Variants in ZNF518A observed in about 807,000 individuals in gnomAD.
ZNF518A encodes the protein zinc finger protein 518.
ZNF518A carries 47 observed loss-of-function variants against 102.7 expected under a neutral mutation model. The observed-to-expected ratio is 0.46, with a 90% CI of 0.36 to 0.58. ZNF518A has a LOEUF of 0.58. ZNF518A is among the 20% of genes least tolerant of loss of function. ZNF518A has a pLI of 0.00. For synonymous variants in ZNF518A, 652 were observed against 594.6 expected, an observed-to-expected ratio of 1.10 and a Z score of -1.40; for missense variants, 1,793 against 1,699.8, an observed-to-expected ratio of 1.05 and a Z score of -0.96.
chr10:96,185,725 C>A (rs11188653), intron 1 of ZNF518A, among the ~76,000 whole-genome samples: 46,582 of 151,986 alleles, frequency 0.31, 8,227 homozygotes, highest in East Asian at 0.66. Context: ...TGTCAGTCGG[C>A]CCCTACTGGG....
At chr10:96,167,368 C>G (rs1470508745), downstream of ZNF518A, among the ~76,000 whole-genome samples, 6 of 152,024 alleles carry the variant, frequency 3.9e-5, no homozygotes, top group Non-Finnish European at 8.8e-5. Context: ...GCAGGAGAAT[C>G]GCTTGAACTC....
intron 3 of ZNF518A, among the ~76,000 whole-genome samples, chr10:96,136,390 T>A (rs2081599696): frequency 6.7e-6 from 1 of 150,158 alleles, no homozygotes; most frequent in African/African-American, 2.4e-5. Context: ...AGAAATGTTA[T>A]ATATATTTAT....
At chr10:96,197,663 T>A (rs1554895021) in intron 1 of ZNF518A, among the ~76,000 whole-genome samples, 1 of 152,100 alleles carries the variant, frequency 6.6e-6, no homozygotes, top group African/African-American at 2.4e-5. Context: ...AGGTTGGGAA[T>A]CAAAACTTTC....
At chr10:96,149,851 C>T (rs587679337) in intron 3 of ZNF518A, among the ~76,000 whole-genome samples, 53 of 152,136 alleles carry the variant, frequency 3.5e-4, no homozygotes, top group African/African-American at 1.2e-3. Context: ...TATATATTTT[C>T]CTCAAAGAGT....
chr10:96,156,800 A>G lies in ZNF518A; in HGVS notation c.478A>G (p.Asn160Asp), dbSNP rs2082716714. The G allele has an allele frequency of 1.9e-6, 3 of 1,613,948 alleles. No homozygotes were observed. Among genetic ancestry groups the G allele is most frequent in the African/African-American group, 1.3e-5 (1 of 75,076 alleles). ...TTGTGAAATGTGCAACTTTTCAGCA[A>G]ATGACTTTCAGGTATTTAAACAACA... ...YPCEMCNFSA[N>D]DFQVFKQHRR... The change falls in exon 6 of 6, where the codon AAT (asparagine) becomes GAT (aspartate). Residue 160 changes from asparagine to aspartate, a missense_variant. This residue lies in a region of ZNF518A where 1,741 missense variants were observed against 1,622.6 expected (regional missense o/e 1.07). Coordinates refer to ENST00000316045, the MANE Select transcript of ZNF518A (RefSeq NM_001330736.2).
intron 2 of ZNF518A, chr10:96,132,999 A>G (rs1156906370): frequency 6.6e-6 from 1 of 152,152 alleles, no homozygotes; most frequent in African/African-American, 2.4e-5. Flanking sequence ...CATATACATG[A>G]GTTTTCATAA....
chr10:96,184,579 A>T lies in ZNF518A; in HGVS notation n.36-18995A>T, dbSNP rs587746673. Reference sequence around the variant, plus strand: ...CTTATGAAGCTTAGTTTGGCTGGATATGAAATTCTGGGTTGAAAATTCTTT... The same window carrying T: ...CTTATGAAGCTTAGTTTGGCTGGATTTGAAATTCTGGGTTGAAAATTCTTT... On this transcript the variant is annotated intron_variant and non_coding_transcript_variant, in intron 1 of 2. Transcript: ENST00000442635. Among the ~76,000 whole-genome samples the T allele has an allele frequency of 1.2e-4, 18 of 152,316 alleles. No homozygotes were observed. The East Asian group carries it at 3.5e-3, about 29-fold the overall frequency.
At chr10:96,134,877 G>A (rs1214245683) in intron 3 of ZNF518A, among the ~76,000 whole-genome samples, 3 of 151,052 alleles carry the variant, frequency 2.0e-5, no homozygotes, top group Admixed American at 6.6e-5. Flanking sequence ...TAAGCTTATC[G>A]TCAATTCCTG....
chr10:96,189,404 G>A (rs782087236), intron 1 of ZNF518A: 2 of 593,556 alleles, frequency 3.4e-6, no homozygotes, highest in Non-Finnish European at 6.4e-6. Flanking sequence ...TAGTCTCCTG[G>A]TCAGTTGTCC....
intron 2 of ZNF518A, 49 bp from the exon 3 acceptor site, chr10:96,133,534 T>C (rs1285636496): frequency 6.6e-6 from 1 of 152,128 alleles, no homozygotes; most frequent in Non-Finnish European, 1.5e-5. Context: ...AAAAACATGT[T>C]TTTTCTACCC....
Position 96,200,879 on chromosome 10 carries a change from C to A in ZNF518A, n.36-2695C>A, listed in dbSNP as rs2083614083. ...TTCACATAATGATGTAAAATACAGT[C>A]TCTGTTCTCAAGGTTCACTCCAAAT... On this transcript the variant is annotated intron_variant and non_coding_transcript_variant, in intron 1 of 2. Transcript: ENST00000442635. The surrounding 1 kb of genome is among the most constrained non-coding windows in gnomAD (Gnocchi z 4.3). 1 of 1,041,602 alleles carries A rather than the reference C, an allele frequency of 9.6e-7. No individual in the cohort carries two copies. The highest frequency in any genetic ancestry group is 1.6e-5 in the African/African-American group (1 of 63,560). 64.5% of individuals were successfully genotyped at this position (1,041,602 alleles called of 1,614,324 possible). A position where few individuals can be genotyped will look rare whatever the true frequency, so the allele number is the denominator to read the frequency against.
intron 1 of ZNF518A, chr10:96,189,843 C>T (rs2083301289): frequency 8.3e-7 from 1 of 1,210,732 alleles, no homozygotes; most frequent in East Asian, 2.3e-5. Context: ...TCCTCTTCAT[C>T]TTCTGACTCT....
Position 96,140,151 on chromosome 10 carries a change from C to T in ZNF518A, c.-302+6503C>T, listed in dbSNP as rs587651083. 3.5e-4 allele frequency among the ~76,000 whole-genome samples: 53 copies of T among 152,266 alleles called. No homozygotes were observed. In the South Asian group the frequency reaches 0.011, roughly 31 times the overall value. ...AGGATTACAGGTGTGAGCCACCTCG[C>T]CCGGCCCAAGATCTGGTTTTGAGAT... On this transcript the variant is annotated intron_variant, in intron 3 of 5. Coordinates refer to ENST00000316045, the MANE Select transcript of ZNF518A (RefSeq NM_001330736.2).
In ZNF518A at chr10:96,158,731, C is replaced by T. The variant is rs782101341; in HGVS notation, c.2409C>T (p.Asn803=). 3.1e-6 allele frequency: 5 copies of T among 1,613,384 alleles called. No individual in the cohort carries two copies. The highest frequency in any genetic ancestry group is 4.2e-6 in the Non-Finnish European group (5 of 1,179,570). ...IKPDVKQDSS[N]TPNKGLPLHC... The stretch of plus-strand genomic sequence containing the variant: ...CTGATGTAAAACAAGACTCTAGTAA[C>T]ACTCCAAATAAAGGCTTGCCACTTC... Residue 803 remains asparagine (N), a synonymous_variant, in exon 6 of 6, where the codon AAC becomes AAT. Coordinates refer to ENST00000316045, the MANE Select transcript of ZNF518A (RefSeq NM_001330736.2).
At chr10:96,141,259 C>T (rs964949645) in intron 3 of ZNF518A, among the ~76,000 whole-genome samples, 2 of 152,062 alleles carry the variant, frequency 1.3e-5, no homozygotes, top group Non-Finnish European at 2.9e-5. Context: ...TAGTATAAAG[C>T]AATTTGTAAT....
At position 96,160,041 on chromosome 10, in the gene ZNF518A, G is replaced by T; in HGVS notation, c.3719G>T (p.Arg1240Ile). The change falls in exon 6 of 6, where the codon AGA (arginine) becomes ATA (isoleucine). Residue 1240 changes from arginine (R) to isoleucine (I), a missense_variant. Coordinates refer to ENST00000316045, the MANE Select transcript of ZNF518A (RefSeq NM_001330736.2). ...SRVLRCKTNC[R>I]IERNFNRKKT... is the part of the protein sequence containing the mutation. ...GTATTAAGGTGTAAAACAAATTGTA[G>T]AATTGAGAGGAACTTCAATAGAAAA... 6.2e-7 allele frequency: 1 copy of T among 1,610,356 alleles called. No homozygotes were observed. The highest frequency in any genetic ancestry group is 1.1e-5 in the South Asian group (1 of 90,120).
chr10:96,160,007 G>C lies in ZNF518A; in HGVS notation c.3685G>C (p.Glu1229Gln). 6.2e-7 allele frequency: 1 copy of C among 1,613,560 alleles called. No homozygotes were observed. Among genetic ancestry groups the C allele is most frequent in the South Asian group, 1.1e-5 (1 of 91,070 alleles). The change falls in exon 6 of 6, where the codon GAG becomes CAG. Residue 1229 changes from glutamate (E) to glutamine (Q), a missense_variant. Around this residue, in one of 3 missense-constraint regions of ZNF518A, gnomAD observed 1,741 missense variants for 1,622.6 expected, o/e 1.07. Transcript: ENST00000316045. ...EEPICVSDCS[E>Q]SRVLRCKTNC... The stretch of plus-strand genomic sequence containing the variant: ...ACCAATATGTGTCAGTGACTGTTCA[G>C]AGTCCAGGGTATTAAGGTGTAAAAC...
At chr10:96,137,824 C>T (rs2081685054) in intron 3 of ZNF518A, among the ~76,000 whole-genome samples, 2 of 152,218 alleles carry the variant, frequency 1.3e-5, no homozygotes, top group African/African-American at 2.4e-5. Context: ...TCATCATCCA[C>T]CTAGCCCTCT....
In ZNF518A at chr10:96,160,533, C is replaced by T. The variant is rs782745718; in HGVS notation, c.4211C>T (p.Ser1404Phe). The T allele has an allele frequency of 4.3e-6, 7 of 1,611,814 alleles. No homozygotes were observed. The highest frequency in any genetic ancestry group is 5.9e-6 in the Non-Finnish European group (7 of 1,179,218). Residue 1404 changes from serine to phenylalanine, a missense_variant, in exon 6 of 6, where the codon TCC (serine) becomes TTC (phenylalanine). Physicochemically the swap from Ser to Phe is radical, Grantham distance 155 (BLOSUM62 -2). Around this residue, in one of 3 missense-constraint regions of ZNF518A, gnomAD observed 1,741 missense variants for 1,622.6 expected, o/e 1.07. Transcript: ENST00000316045. ...NPPKTTYDDF[S>F]KRHKTFKPVS... ...CCTAAAACAACTTATGATGATTTTT[C>T]CAAGAGGCACAAAACATTTAAACCT...
Sources: allele counts gnomAD v4.1 joint callset (sites outside exome capture counted in the v4.1 genomes callset), GRCh38; gene constraint gnomAD v4.1.1; regional missense constraint gnomAD v4.1.1; non-coding constraint Gnocchi (gnomAD v3.1); transcripts MANE v1.5; gene names NCBI Gene and HGNC (gene_info 2026-07-23, HGNC 2026-07-21).